The following RIMBP2 variants were observed in gnomAD, a reference collection of about 807,000 sequenced individuals.
RIMBP2 encodes RIMS-binding protein 2.
RIMBP2 carries 48 observed loss-of-function variants against 118.6 expected under a neutral mutation model. The observed-to-expected ratio is 0.40, with a 90% CI of 0.32 to 0.51. The LOEUF is 0.51. Among genes scored for constraint, RIMBP2 ranks in the 20% least tolerant of loss-of-function variants. The pLI is 0.41. For missense variants in RIMBP2, 1,551 were observed against 1,768.3 expected (o/e 0.88, Z 2.20); for synonymous variants, 762 against 742.9 (o/e 1.03, Z -0.42).
intron 4 of RIMBP2, among the ~76,000 whole-genome samples, chr12:130,494,976 C>T (rs1000443775): frequency 3.3e-5 from 5 of 152,204 alleles, no homozygotes; most frequent in African/African-American, 7.2e-5. Flanking sequence ...CAGCTGCTGG[C>T]GTGGCCACGA....
chr12:130,412,889 A>T (rs2075826557), intron 18 of RIMBP2, 102 bp from the exon 19 acceptor site: 1 of 1,114,270 alleles, frequency 9.0e-7, no homozygotes. Flanking sequence ...ATATATTTTA[A>T]ATATAGTTTA....
At position 130,424,947 on chromosome 12, in the gene RIMBP2, A is replaced by G; in HGVS notation, c.2413-89T>C. 2.6e-6 allele frequency: 2 copies of G among 765,776 alleles called. No homozygotes were observed. The highest frequency in any genetic ancestry group is 3.5e-6 in the Non-Finnish European group (2 of 566,092). 47.4% of individuals were successfully genotyped at this position (765,776 alleles called of 1,614,324 possible). A position where few individuals can be genotyped will look rare whatever the true frequency, so the allele number is the denominator to read the frequency against. On this transcript the variant is annotated intron_variant, in intron 15 of 22. Transcript: ENST00000690449. The surrounding 1 kb of genome is among the most constrained non-coding windows in gnomAD (Gnocchi z 9.8). ...CCAGGGGAGGAAAGAAAATACAGAC[A>G]GAATTAGTCCTGGAGGCACCGAGGG...
chr12:130,699,425 G>GT (rs1200578410), intron 1 of RIMBP2, among the ~76,000 whole-genome samples: 4 of 152,034 alleles, frequency 2.6e-5, no homozygotes, highest in Non-Finnish European at 5.9e-5. Flanking sequence ...CATGTCCTTT[G>GT]TAGGGACATG....
intron 1 of RIMBP2, among the ~76,000 whole-genome samples, chr12:130,685,235 C>T (rs1407053386): frequency 6.6e-6 from 1 of 152,140 alleles, no homozygotes; most frequent in Non-Finnish European, 1.5e-5. Context: ...GAAGAAAGAG[C>T]ATTTTTACCT....
At chr12:130,672,548 T>A (rs2064248788) in intron 1 of RIMBP2, among the ~76,000 whole-genome samples, 1 of 152,192 alleles carries the variant, frequency 6.6e-6, no homozygotes, top group South Asian at 2.1e-4. Flanking sequence ...CCTCACAGCA[T>A]CTCTATGTGC....
At chr12:130,554,483 C>T (rs2056145347) in intron 2 of RIMBP2, among the ~76,000 whole-genome samples, 1 of 152,136 alleles carries the variant, frequency 6.6e-6, no homozygotes, top group Admixed American at 6.5e-5. Context: ...CAATATACGG[C>T]CCTCATAAAG....
At chr12:130,456,944 C>G (rs536820227) in intron 6 of RIMBP2, among the ~76,000 whole-genome samples, 7 of 152,328 alleles carry the variant, frequency 4.6e-5, no homozygotes, top group Admixed American at 3.3e-4. Flanking sequence ...GAGAGCAGTG[C>G]CTGATAAACC....
chr12:130,524,313 T>A (rs1230421423), intron 2 of RIMBP2, among the ~76,000 whole-genome samples: 5 of 152,110 alleles, frequency 3.3e-5, no homozygotes, highest in Admixed American at 3.3e-4. Context: ...TCCAGAGGCA[T>A]GAGCCAGGCC....
chr12:130,577,566 C>T (rs1370077221), intron 2 of RIMBP2, among the ~76,000 whole-genome samples: 2 of 152,074 alleles, frequency 1.3e-5, no homozygotes, highest in Non-Finnish European at 2.9e-5. Context: ...CTCACTATCG[C>T]GAGAACAGCA....
At chr12:130,532,862 G>A (rs71468431) in intron 2 of RIMBP2, among the ~76,000 whole-genome samples, 2 of 105,982 alleles carry the variant, frequency 1.9e-5, no homozygotes, top group South Asian at 3.4e-4. Flanking sequence ...CTCTAGGAGG[G>A]ACGTCTAATG....
intron 1 of RIMBP2, among the ~76,000 whole-genome samples, chr12:130,671,960 A>G (rs751095435): frequency 1.3e-5 from 2 of 152,228 alleles, no homozygotes; most frequent in Non-Finnish European, 2.9e-5. Context: ...CATGAATCAC[A>G]TGATGCTATG....
At chr12:130,659,027 C>T (rs1300905464) in intron 1 of RIMBP2, among the ~76,000 whole-genome samples, 1 of 150,952 alleles carries the variant, frequency 6.6e-6, no homozygotes, top group Non-Finnish European at 1.5e-5. Context: ...ACCATGCCAG[C>T]ACAGGGACTC....
Position 130,524,793 on chromosome 12 carries a change from G to T in RIMBP2, c.-216-6876C>A, listed in dbSNP as rs562945209. 1.8e-3 allele frequency among the ~76,000 whole-genome samples: 271 copies of T among 152,296 alleles called. 1 individual carries two copies. Among genetic ancestry groups the T allele is most frequent in the African/African-American group, 6.1e-3 (255 of 41,566 alleles). On this transcript the variant is annotated intron_variant, in intron 2 of 22. Transcript: ENST00000690449. ...TTATGGCAGCAGAAAGCAGAAAGAG[G>T]AAGGCGGGTACAGGAGTTATTAAAG...
chr12:130,528,504 G>A (rs754344464), intron 2 of RIMBP2, among the ~76,000 whole-genome samples: 1 of 152,108 alleles, frequency 6.6e-6, no homozygotes, highest in African/African-American at 2.4e-5. Context: ...ATGCATGCTG[G>A]GCTTAATACC....
At position 130,456,477 on chromosome 12, in the gene RIMBP2, G is replaced by T. The variant is rs372634976; in HGVS notation, c.358+19C>A. 4 of 1,546,430 alleles carry T rather than the reference G, an allele frequency of 2.6e-6. No individual in the cohort carries two copies. Among genetic ancestry groups the T allele is most frequent in the Non-Finnish European group, 3.5e-6 (4 of 1,142,468 alleles). On this transcript the variant is annotated intron_variant, in intron 7 of 22. Coordinates refer to ENST00000690449, the MANE Select transcript of RIMBP2 (RefSeq NM_001393629.1). ...ATTCTCTCCCCACCACAGCCAAGGC[G>T]GAAGGTCCAGGCGCTTACCTTTGCC... is the stretch of plus-strand genomic sequence containing the variant.
At chr12:130,429,375 A>G (rs2077012082) in intron 14 of RIMBP2, 1 of 152,190 alleles carries the variant, frequency 6.6e-6, no homozygotes, top group Admixed American at 6.5e-5. Flanking sequence ...GGAGACAGCG[A>G]CAGCCCTGGT....
rs386378267 is a variant in RIMBP2 at position 130,571,416 on chromosome 12, A to ACATTTT, written c.-216-53500_-216-53499insAAAATG. Among the ~76,000 whole-genome samples the ACATTTT allele has an allele frequency of 1.1e-4, 11 of 104,296 alleles. 3 individuals carry two copies. Among genetic ancestry groups the ACATTTT allele is most frequent in the African/African-American group, 9.7e-5 (3 of 31,068 alleles). The allele number at this position is 104,296 out of a possible 152,430, so 68.4% of individuals were successfully genotyped here. A position where few individuals can be genotyped will look rare whatever the true frequency, so the allele number is the denominator to read the frequency against. On this transcript the variant is annotated intron_variant, in intron 2 of 22. Coordinates refer to ENST00000690449, the MANE Select transcript of RIMBP2 (RefSeq NM_001393629.1). ...GTGTGCTACTGCTACCCATAGTAAC[A>ACATTTT]TTTTTTTTTTTTTTTTTTTTGGAGA...
chr12:130,406,771 T>C (rs2075219290), intron 20 of RIMBP2, among the ~76,000 whole-genome samples: 1 of 152,172 alleles, frequency 6.6e-6, no homozygotes, highest in Non-Finnish European at 1.5e-5. Context: ...CTCAGCCTCC[T>C]GAGCAGCTGG....
At chr12:130,560,832 A>G (rs898089055) in intron 2 of RIMBP2, among the ~76,000 whole-genome samples, 14 of 152,206 alleles carry the variant, frequency 9.2e-5, no homozygotes, top group Admixed American at 4.6e-4. Context: ...TCCAGTATTA[A>G]GGGCTGAGTT....
Sources: gnomAD v4.1 joint callset for allele counts (sites outside exome capture counted in the v4.1 genomes callset) on GRCh38, gnomAD v4.1.1 for gene constraint, Gnocchi (gnomAD v3.1) non-coding constraint, MANE v1.5 for transcripts, NCBI Gene and HGNC (gene_info 2026-07-23, HGNC 2026-07-21) for gene names.